Variants in PI4KA observed in about 807,000 individuals in gnomAD.
PI4KA encodes the protein phosphatidylinositol 4-kinase alpha, also known as PI4-kinase alpha.
PI4KA carries 122 observed loss-of-function variants against 271.4 expected under a neutral mutation model. That is an observed-to-expected ratio of 0.45 (90% CI 0.39 to 0.52). The LOEUF is 0.52. Ranked by LOEUF, PI4KA falls within the 20% of genes least tolerant of loss-of-function variation. PI4KA has a pLI of 0.00. For synonymous variants in PI4KA, 1,041 were observed against 1,078.8 expected (o/e 0.96, Z 0.69); for missense variants, 1,969 against 2,769.1 (o/e 0.71, Z 6.48).
At position 20,803,205 on chromosome 22, in the gene PI4KA, C is replaced by T. The variant is rs755863624; in HGVS notation, c.1577G>A (p.Ser526Asn). ...TCTGTTATTACCTGTGTGGTACTGACTGTGGTACTTGTAGAGCTTCACCAG... is the reference window on the plus strand; with the variant it reads ...TCTGTTATTACCTGTGTGGTACTGATTGTGGTACTTGTAGAGCTTCACCAG... ...PVLVKLYKYH[S>N]QYHTVAGNDI... Residue 526 changes from serine to asparagine, a missense_variant, in exon 13 of 55, where the codon AGT becomes AAT. This residue lies in a region of PI4KA where 228 missense variants were observed against 261.6 expected (regional missense o/e 0.87). Transcript: ENST00000255882. 1 of 1,614,134 alleles carries T rather than the reference C, an allele frequency of 6.2e-7. No homozygotes were observed. The highest frequency in any genetic ancestry group is 1.7e-5 in the Admixed American group (1 of 60,024).
At chr22:20,767,375 T>C (rs774806291) in intron 19 of PI4KA, among the ~76,000 whole-genome samples, 16 of 151,650 alleles carry the variant, frequency 1.1e-4, no homozygotes, top group South Asian at 6.3e-4. Flanking sequence ...ACCTGGGAGG[T>C]TGAGCTTGCA....
intron 19 of PI4KA, chr22:20,780,132 A>T: frequency 6.2e-7 from 1 of 1,614,250 alleles, no homozygotes; most frequent in South Asian, 1.1e-5. Context: ...CAAGGGCCTC[A>T]TAAAAGATGC....
chr22:20,847,833 A>G (rs954009077), intron 1 of PI4KA, among the ~76,000 whole-genome samples: 1 of 152,214 alleles, frequency 6.6e-6, no homozygotes, highest in African/African-American at 2.4e-5. Context: ...ATGAATAAAA[A>G]CAAAAGAAGT....
intron 1 of PI4KA, among the ~76,000 whole-genome samples, chr22:20,851,392 A>T (rs1013742435): frequency 6.6e-6 from 1 of 151,824 alleles, no homozygotes; most frequent in Non-Finnish European, 1.5e-5. Context: ...CCCAGGCTGG[A>T]GTGCCGTGGT....
rs559686659 is a variant in PI4KA, at chr22:20,742,526, G to A, written c.3613+82C>T. ...GGAGCTCCTGCTCTTTCTCCGGCCA[G>A]TACTCCAGCTGGCTATGGGTCATCA... On this transcript the variant is annotated intron_variant, in intron 31 of 54. Coordinates refer to ENST00000255882, the MANE Select transcript of PI4KA (RefSeq NM_058004.4). 84 of 1,570,444 alleles carry A rather than the reference G, an allele frequency of 5.3e-5. No individual in the cohort carries two copies. The African/African-American group carries it at 1.0e-3, about 19-fold the overall frequency.
intron 19 of PI4KA, among the ~76,000 whole-genome samples, chr22:20,792,091 A>T (rs1934681042): frequency 6.6e-6 from 1 of 152,198 alleles, no homozygotes; most frequent in Non-Finnish European, 1.5e-5. Context: ...ACAGAGTGAG[A>T]ATCTGTCTCA....
At chr22:20,758,425 A>T (rs1175964233) in intron 23 of PI4KA, among the ~76,000 whole-genome samples, 4 of 143,540 alleles carry the variant, frequency 2.8e-5, no homozygotes, top group Non-Finnish European at 4.6e-5. Flanking sequence ...TTAAAATATT[A>T]TAAGATTTTT....
chr22:20,786,082 C>G, intron 19 of PI4KA: 1 of 1,614,124 alleles, frequency 6.2e-7, no homozygotes, highest in Non-Finnish European at 8.5e-7. Flanking sequence ...TGATGGGGAT[C>G]AGGATGCTGT....
intron 23 of PI4KA, among the ~76,000 whole-genome samples, chr22:20,756,109 C>G (rs1931260704): frequency 6.6e-6 from 1 of 151,946 alleles, no homozygotes; most frequent in Non-Finnish European, 1.5e-5. Flanking sequence ...ATCAGTGTGA[C>G]CTGGACAGAT....
chr22:20,756,206 C>CTT (rs200988090), intron 23 of PI4KA, among the ~76,000 whole-genome samples: 6 of 141,276 alleles, frequency 4.2e-5, no homozygotes, highest in African/African-American at 7.8e-5. Context: ...AGTATAATAG[C>CTT]TTTTTTTTTT....
intron 14 of PI4KA, 48 bp from the exon 15 acceptor site, chr22:20,799,814 A>C: frequency 3.2e-6 from 4 of 1,237,148 alleles, no homozygotes; most frequent in Non-Finnish European, 4.5e-6. Flanking sequence ...AAACCAAGAT[A>C]GGTTTTTTGT....
At chr22:20,819,001 G>A (rs1369307957) in intron 6 of PI4KA, among the ~76,000 whole-genome samples, 1 of 152,202 alleles carries the variant, frequency 6.6e-6, no homozygotes, top group Non-Finnish European at 1.5e-5. Context: ...AGAAGAAACA[G>A]GTTAAGAGTT....
intron 9 of PI4KA, among the ~76,000 whole-genome samples, chr22:20,808,354 G>A (rs1398876231): frequency 6.6e-6 from 1 of 151,562 alleles, no homozygotes; most frequent in Non-Finnish European, 1.5e-5. Flanking sequence ...GGGAGGCCAA[G>A]GCGGGTGGAT....
intron 2 of PI4KA, among the ~76,000 whole-genome samples, chr22:20,836,732 C>T (rs1413536084): frequency 2.6e-5 from 4 of 152,186 alleles, no homozygotes; most frequent in African/African-American, 9.7e-5. Context: ...GGCTTCTCTC[C>T]TAGTATATGC....
At chr22:20,802,412 T>C (rs1019936837) in intron 13 of PI4KA, among the ~76,000 whole-genome samples, 1 of 152,254 alleles carries the variant, frequency 6.6e-6, no homozygotes, top group Non-Finnish European at 1.5e-5. Flanking sequence ...GACTGAGGCA[T>C]GGCCCTGTGC....
intron 52 of PI4KA, chr22:20,710,447 C>T: frequency 1.8e-6 from 1 of 567,902 alleles, no homozygotes; most frequent in Non-Finnish European, 3.2e-6. Flanking sequence ...GGATGGGATG[C>T]CCAGAAAGGG....
chr22:20,730,115 C>T lies in PI4KA; in HGVS notation c.4289-104G>A, dbSNP rs557163121. On this transcript the variant is annotated intron_variant, in intron 36 of 54. Transcript: ENST00000255882. ...AGAGATAAAGCAATTAGTGGCAGAG[C>T]AGGCATTTTCTGGAGTCCTGGAATC... 1.8e-5 allele frequency: 24 copies of T among 1,327,760 alleles called. No homozygotes were observed. In the African/African-American group the frequency reaches 2.5e-4, roughly 14 times the overall value. 82.2% of individuals were successfully genotyped at this position (1,327,760 alleles called of 1,614,324 possible).
In PI4KA at chr22:20,805,034, G is replaced by A. The variant is rs755632246; in HGVS notation, c.1300C>T (p.Arg434Cys). The A allele has an allele frequency of 5.6e-6, 9 of 1,613,988 alleles. No individual in the cohort carries two copies. The highest frequency in any genetic ancestry group is 6.8e-6 in the Non-Finnish European group (8 of 1,179,976). Residue 434 changes from arginine (R) to cysteine (C), a missense_variant, in exon 11 of 55, where the codon CGC (arginine) becomes TGC (cysteine). By Grantham distance (180) the Arg-to-Cys change is radical (BLOSUM62 -3). Around this residue, in one of 13 missense-constraint regions of PI4KA, gnomAD observed 540 missense variants for 555.5 expected, o/e 0.97. Transcript: ENST00000255882. ...ACACAGGCAGCATTCGCCTGACAGCGCAGTTTGAGGGGGCTCAGCTCATTG... is the reference window on the plus strand; with the variant it reads ...ACACAGGCAGCATTCGCCTGACAGCACAGTTTGAGGGGGCTCAGCTCATTG... ...IHNELSPLKL[R>C]CQANAACVDL...
At chr22:20,735,292 C>A (rs1433795717) in intron 32 of PI4KA, among the ~76,000 whole-genome samples, 1 of 150,236 alleles carries the variant, frequency 6.7e-6, no homozygotes, top group African/African-American at 2.5e-5. Context: ...TGGCATCTGG[C>A]CAAAGAGGAT....
Sources: allele counts gnomAD v4.1 joint callset (sites outside exome capture counted in the v4.1 genomes callset), GRCh38; gene constraint gnomAD v4.1.1; regional missense constraint gnomAD v4.1.1; transcripts MANE v1.5; gene names NCBI Gene and HGNC (gene_info 2026-07-23, HGNC 2026-07-21).